TTC6: variants seen among roughly 807,000 people sequenced by gnomAD.
TTC6 encodes the protein tetratricopeptide repeat protein 6.
TTC6 carries 172 observed loss-of-function variants against 210.4 expected under a neutral mutation model. The ratio of observed to expected loss-of-function variants is 0.82; its 90% CI spans 0.72 to 0.93. The LOEUF (loss-of-function observed/expected upper bound fraction) is 0.93, where lower values mean the gene tolerates loss of function less well. Ranked by LOEUF, TTC6 falls within the 40% of genes least tolerant of loss-of-function variation. TTC6 has a pLI of 0.00. For missense variants in TTC6, 2,414 were observed against 2,318.1 expected, an observed-to-expected ratio of 1.04 and a Z score of -0.85; for synonymous variants, 804 against 819.6, an observed-to-expected ratio of 0.98 and a Z score of 0.32.
At chr14:37,735,113 T>C (rs538574738) in intron 7 of TTC6, among the ~76,000 whole-genome samples, 127 of 152,332 alleles carry the variant, frequency 8.3e-4, no homozygotes, top group African/African-American at 2.8e-3. Context: ...TCTGAAAATA[T>C]AACTTGAGAG....
intron 4 of TTC6, among the ~76,000 whole-genome samples, chr14:37,701,029 G>C (rs1280619454): frequency 1.3e-5 from 2 of 152,104 alleles, no homozygotes; most frequent in African/African-American, 4.8e-5. Flanking sequence ...GAGAGAAGAG[G>C]TTGGGGTGGG....
chr14:37,695,292 A>C (rs1490580188), intron 3 of TTC6, among the ~76,000 whole-genome samples: 1 of 152,132 alleles, frequency 6.6e-6, no homozygotes, highest in Non-Finnish European at 1.5e-5. Context: ...TACAAAAGAT[A>C]GAATTAATGA....
chr14:37,773,842 T>A (rs2096028568), intron 14 of TTC6, among the ~76,000 whole-genome samples: 1 of 152,214 alleles, frequency 6.6e-6, no homozygotes, highest in African/African-American at 2.4e-5. Flanking sequence ...GTAAATTGCT[T>A]TGGGCAGTAT....
At chr14:37,657,203 ACT>A (rs1402268149) in intron 1 of TTC6, among the ~76,000 whole-genome samples, 1 of 124,856 alleles carries the variant, frequency 8.0e-6, no homozygotes, top group African/African-American at 3.0e-5. Context: ...CATGAGCGAA[ACT>A]CTGTCTCAAA....
intron 16 of TTC6, 90 bp from the exon 19 acceptor site, chr14:37,792,174 C>A: frequency 1.0e-6 from 1 of 975,798 alleles, no homozygotes; most frequent in Non-Finnish European, 1.5e-6. Context: ...AATACTGATG[C>A]ATCTGTTTCA....
At position 37,653,698 on chromosome 14, in the gene TTC6, T is replaced by G. The variant is rs1242501934; in HGVS notation, c.940-26453T>G. The stretch of plus-strand genomic sequence containing the variant: ...CAATTCCTAAATCTTTCTGAGGTCT[T>G]ATGATATGACTTGTTTTGCTTCTGG... On this transcript the variant is annotated intron_variant, in intron 1 of 30. Coordinates refer to ENST00000553443, the Ensembl canonical transcript of TTC6. Among the ~76,000 whole-genome samples the G allele has an allele frequency of 2.0e-5, 3 of 152,206 alleles. No individual in the cohort carries two copies. In the East Asian group the frequency reaches 5.8e-4, roughly 29 times the overall value.
intron 1 of TTC6, among the ~76,000 whole-genome samples, chr14:37,605,895 GTTTTT>G (rs200989659): frequency 6.9e-6 from 1 of 145,234 alleles, no homozygotes; most frequent in Non-Finnish European, 1.5e-5. Flanking sequence ...TTATTCACAG[GTTTTT>G]TTTTTTTTCT....
chr14:37,691,065 C>T (rs2095802755), intron 3 of TTC6, among the ~76,000 whole-genome samples: 2 of 152,068 alleles, frequency 1.3e-5, no homozygotes, highest in African/African-American at 4.8e-5. Flanking sequence ...TGTGGTGGCT[C>T]ACATCTGCCA....
rs546056805 is a variant in TTC6, at chr14:37,807,602, A to G, written c.4455+142A>G. 5.0e-5 allele frequency: 28 copies of G among 561,916 alleles called. 1 individual carries two copies. In the South Asian group the frequency reaches 2.0e-3, roughly 41 times the overall value. 34.8% of individuals were successfully genotyped at this position (561,916 alleles called of 1,614,324 possible). A position where few individuals can be genotyped will look rare whatever the true frequency, so the allele number is the denominator to read the frequency against. The stretch of plus-strand genomic sequence containing the variant: ...GGCAGAACTACATAGAAAACTTTAC[A>G]CTTTCCCAATTCATATTTTTTTCAC... On this transcript the variant is annotated intron_variant, in intron 23 of 30. Coordinates refer to ENST00000553443, the Ensembl canonical transcript of TTC6.
At chr14:37,814,101 G>C (rs929929029) in intron 25 of TTC6, among the ~76,000 whole-genome samples, 4 of 152,112 alleles carry the variant, frequency 2.6e-5, no homozygotes, top group African/African-American at 9.7e-5. Context: ...AAAACCCTCT[G>C]ATGGCTTCCC....
chr14:37,627,329 A>C (rs953290674), intron 1 of TTC6, among the ~76,000 whole-genome samples: 1 of 151,286 alleles, frequency 6.6e-6, no homozygotes, highest in Non-Finnish European at 1.5e-5. Context: ...TTTTATTATT[A>C]TACTTTAAGT....
intron 1 of TTC6, among the ~76,000 whole-genome samples, chr14:37,653,965 A>AG (rs2139433202): frequency 1.3e-5 from 2 of 152,338 alleles, no homozygotes; most frequent in South Asian, 4.1e-4. Context: ...AGTCATGTCC[A>AG]AAGTAAACTT....
chr14:37,784,487 A>G (rs1256169577), intron 14 of TTC6, among the ~76,000 whole-genome samples: 2 of 151,988 alleles, frequency 1.3e-5, no homozygotes, highest in Admixed American at 1.3e-4. Context: ...ATCTTCCTCC[A>G]TCCCTTTATT....
chr14:37,715,263 A>G (rs1425475788), intron 6 of TTC6, among the ~76,000 whole-genome samples: 1 of 152,124 alleles, frequency 6.6e-6, no homozygotes, highest in African/African-American at 2.4e-5. Context: ...GAATTGAGGG[A>G]CTATAACAAA....
At position 37,790,800 on chromosome 14, in the gene TTC6, G is replaced by T. The variant is rs748910727; in HGVS notation, c.3520G>T (p.Ala1174Ser). The stretch of plus-strand genomic sequence containing the variant: ...TGCACATCTAAAACTTTGGCTGCTG[G>T]CAATTTGTGACTTTGAAACTGTCAT... Residue 1174 changes from alanine to serine, a missense_variant, in exon 16 of 31, where the codon GCA becomes TCA. By Grantham distance (99) the Ala-to-Ser change is moderately conservative. Transcript: ENST00000553443. 1.6e-5 allele frequency: 24 copies of T among 1,534,230 alleles called. No homozygotes were observed. The South Asian group carries it at 2.6e-4, about 17-fold the overall frequency.
intron 29 of TTC6, among the ~76,000 whole-genome samples, chr14:37,828,739 GGGTC>G (rs532028996): frequency 0.01 from 1,592 of 152,018 alleles, 34 homozygotes; most frequent in African/African-American, 0.036. Flanking sequence ...GAATATGTCA[GGGTC>G]ATTCCTAAGA....
chr14:37,834,265 C>G (rs1029515645), intron 29 of TTC6, among the ~76,000 whole-genome samples: 3 of 116,436 alleles, frequency 2.6e-5, no homozygotes, highest in Non-Finnish European at 3.9e-5. Flanking sequence ...TATTATTTTA[C>G]TGAATAGGTT....
At chr14:37,738,285 A>T (rs942717876) in intron 9 of TTC6, among the ~76,000 whole-genome samples, 7 of 151,706 alleles carry the variant, frequency 4.6e-5, no homozygotes, top group Non-Finnish European at 8.8e-5. Context: ...CCTATTATAA[A>T]TATTAAATTG....
chr14:37,836,071 A>G (rs1343772411), intron 29 of TTC6, among the ~76,000 whole-genome samples: 1 of 152,182 alleles, frequency 6.6e-6, no homozygotes, highest in Non-Finnish European at 1.5e-5. Flanking sequence ...TTACAAGTTC[A>G]TTGAAGCCCA....
Sources: gnomAD v4.1 joint callset for allele counts (sites outside exome capture counted in the v4.1 genomes callset) on GRCh38, gnomAD v4.1.1 for gene constraint, MANE v1.5 for transcripts, NCBI Gene and HGNC (gene_info 2026-07-23, HGNC 2026-07-21) for gene names.